The following TRDN variants were observed in gnomAD, a reference collection of about 807,000 sequenced individuals.
TRDN encodes the protein triadin in skeletal muscle.
Under a neutral mutation model 149.7 loss-of-function variants are expected in TRDN, and 161 were observed. The ratio of observed to expected loss-of-function variants is 1.08; its 90% CI spans 0.95 to 1.23. The LOEUF (loss-of-function observed/expected upper bound fraction) is 1.23. Among genes scored for constraint, TRDN ranks in the 50% most tolerant of loss-of-function variants. The probability of loss-of-function intolerance (pLI) is 0.00; values close to 1 mark genes in which losing one functional copy is unlikely to be tolerated. For synonymous variants in TRDN, 294 were observed against 250.5 expected (o/e 1.17, Z -1.64); for missense variants, 896 against 823.5 (o/e 1.09, Z -1.08).
At chr6:123,632,907 A>G (rs191959192) in intron 1 of TRDN, among the ~76,000 whole-genome samples, 1 of 151,420 alleles carries the variant, frequency 6.6e-6, no homozygotes, top group Non-Finnish European at 1.5e-5. Flanking sequence ...TGCAGACTCT[A>G]TGGGAGTAAT....
chr6:123,539,235 T>C (rs935377965), intron 4 of TRDN, among the ~76,000 whole-genome samples: 15 of 152,356 alleles, frequency 9.8e-5, no homozygotes, highest in Non-Finnish European at 1.8e-4. Context: ...CAAATTTTAA[T>C]GTGCATAAGA....
chr6:123,583,366 C>G (rs926409269), intron 1 of TRDN, among the ~76,000 whole-genome samples: 2 of 151,970 alleles, frequency 1.3e-5, no homozygotes, highest in African/African-American at 2.4e-5. Context: ...TAAAAAGGAA[C>G]GTCTATACAG....
At chr6:123,447,005 C>T (rs1775421745) in intron 10 of TRDN, among the ~76,000 whole-genome samples, 1 of 152,098 alleles carries the variant, frequency 6.6e-6, no homozygotes, top group African/African-American at 2.4e-5. Context: ...CCTCCCTTCA[C>T]ATTGTAATTA....
chr6:123,221,408 G>T, intron 40 of TRDN, 79 bp downstream of exon 40: 1 of 1,065,992 alleles, frequency 9.4e-7, no homozygotes, highest in Non-Finnish European at 1.3e-6. Flanking sequence ...CTGGTCTTAA[G>T]AGAGTCTAAC....
At chr6:123,244,257 A>G (rs1374827634) in intron 38 of TRDN, among the ~76,000 whole-genome samples, 2 of 152,178 alleles carry the variant, frequency 1.3e-5, no homozygotes, top group Admixed American at 1.3e-4. Flanking sequence ...TGACGAATTG[A>G]CAGAAGTAGG....
At chr6:123,335,393 T>C (rs1424102497) in intron 22 of TRDN, among the ~76,000 whole-genome samples, 1 of 151,876 alleles carries the variant, frequency 6.6e-6, no homozygotes, top group Non-Finnish European at 1.5e-5. Flanking sequence ...GGAATGTCAA[T>C]TGTAAAATTA....
In TRDN at chr6:123,512,307, C is replaced by T. The variant is rs1410476969; in HGVS notation, c.606G>A (p.Ala202=). The change falls in exon 7 of 41, where the codon GCG becomes GCA. Residue 202 remains alanine, a synonymous_variant. Transcript: ENST00000334268. The part of the protein sequence containing the change: ...KKEKPETKTL[A]KEQKKAKTAE... The stretch of plus-strand genomic sequence containing the variant: ...AATAATAAATTGAAAAGTTACCTTT[C>T]GCCAGTGTCTTTGTTTCTGGTTTTT... The T allele has an allele frequency of 1.2e-5, 18 of 1,477,494 alleles. No homozygotes were observed. The highest frequency in any genetic ancestry group is 3.8e-5 in the South Asian group (3 of 79,882). 91.5% of individuals were successfully genotyped at this position (1,477,494 alleles called of 1,614,324 possible).
At chr6:123,567,283 A>T (rs1262836284) in intron 2 of TRDN, among the ~76,000 whole-genome samples, 5 of 152,200 alleles carry the variant, frequency 3.3e-5, no homozygotes, top group Admixed American at 6.5e-5. Flanking sequence ...ACTCTGGATA[A>T]ATAGCCCTTT....
chr6:123,338,078 G>A (rs1006775845), intron 21 of TRDN, among the ~76,000 whole-genome samples: 1 of 152,102 alleles, frequency 6.6e-6, no homozygotes, highest in African/African-American at 2.4e-5. Flanking sequence ...CACATAAATT[G>A]ATTAAATAAC....
intron 24 of TRDN, among the ~76,000 whole-genome samples, chr6:123,310,463 C>CT (rs1254967574): frequency 6.6e-6 from 1 of 151,950 alleles, no homozygotes; most frequent in Non-Finnish European, 1.5e-5. Flanking sequence ...TTGCAAAATA[C>CT]TTTTTTATCT....
chr6:123,250,436 G>T (rs1776333847), intron 38 of TRDN, among the ~76,000 whole-genome samples: 1 of 151,904 alleles, frequency 6.6e-6, no homozygotes, highest in Admixed American at 6.6e-5. Flanking sequence ...TGCTGTAAAA[G>T]GATTCGGAAA....
intron 4 of TRDN, among the ~76,000 whole-genome samples, chr6:123,541,806 T>G (rs1034658967): frequency 5.3e-5 from 8 of 152,162 alleles, no homozygotes; most frequent in Non-Finnish European, 8.8e-5. Flanking sequence ...TGCACCGTAT[T>G]TTTCAGACAC....
intron 23 of TRDN, among the ~76,000 whole-genome samples, chr6:123,329,307 T>C (rs908159810): frequency 6.6e-6 from 1 of 152,204 alleles, no homozygotes; most frequent in African/African-American, 2.4e-5. Context: ...CAGATTAATT[T>C]CTCATTTAAT....
At chr6:123,489,065 C>T (rs549956701) in intron 9 of TRDN, 1 of 152,066 alleles carries the variant, frequency 6.6e-6, no homozygotes, top group South Asian at 2.1e-4. Context: ...AATATTATCA[C>T]CTTAGCCTTG....
At chr6:123,500,651 C>T (rs1223937649) in intron 8 of TRDN, among the ~76,000 whole-genome samples, 1 of 152,108 alleles carries the variant, frequency 6.6e-6, no homozygotes, top group African/African-American at 2.4e-5. Context: ...GTCCATTTCT[C>T]TCCTTCTTGA....
chr6:123,342,088 T>C (rs553936617), intron 21 of TRDN, among the ~76,000 whole-genome samples: 2 of 152,096 alleles, frequency 1.3e-5, no homozygotes, highest in South Asian at 2.1e-4. Flanking sequence ...GGAGTATTCA[T>C]ATATACACAC....
intron 38 of TRDN, among the ~76,000 whole-genome samples, chr6:123,249,688 A>C (rs939827911): frequency 1.3e-5 from 2 of 152,166 alleles, no homozygotes; most frequent in Admixed American, 1.3e-4. Context: ...CAGAAAATCA[A>C]ATTTATCATG....
chr6:123,410,407 T>C (rs770297448), intron 12 of TRDN, among the ~76,000 whole-genome samples: 1 of 152,038 alleles, frequency 6.6e-6, no homozygotes, highest in Non-Finnish European at 1.5e-5. Flanking sequence ...CTCACAAAAA[T>C]TACCAAATAG....
intron 1 of TRDN, among the ~76,000 whole-genome samples, chr6:123,622,129 CTTCCTCTTT>C (rs1785416460): frequency 1.3e-5 from 2 of 152,232 alleles, no homozygotes; most frequent in Middle Eastern, 3.4e-3. Flanking sequence ...CAAACCAATC[CTTCCTCTTT>C]TTCCTCCTCC....
Sources: gnomAD v4.1 joint callset for allele counts (sites outside exome capture counted in the v4.1 genomes callset) on GRCh38, gnomAD v4.1.1 for gene constraint, MANE v1.5 for transcripts, NCBI Gene and HGNC (gene_info 2026-07-23, HGNC 2026-07-21) for gene names.